NLGN1: variants seen among roughly 807,000 people sequenced by gnomAD.
The protein encoded by NLGN1 is neuroligin 1, also known as neuroligin-1.
Under a neutral mutation model 65.5 loss-of-function variants are expected in NLGN1, and 12 were observed. The observed-to-expected ratio is 0.18, with a 90% confidence interval of 0.12 to 0.30. The LOEUF is 0.30. NLGN1 is among the 10% of genes least tolerant of loss of function. The pLI, the probability that NLGN1 is intolerant of heterozygous loss-of-function variation, is 1.00. For missense variants in NLGN1, 750 were observed against 1,007.1 expected (o/e 0.74, Z 3.46); for synonymous variants, 350 against 359.5 (o/e 0.97, Z 0.30).
At chr3:173,527,645 C>G (rs1735880552) in intron 2 of NLGN1, among the ~76,000 whole-genome samples, 1 of 152,224 alleles carries the variant, frequency 6.6e-6, no homozygotes, top group South Asian at 2.1e-4. Flanking sequence ...GATCTGCCCG[C>G]CTCGGCCTCC....
intron 4 of NLGN1, among the ~76,000 whole-genome samples, chr3:173,858,234 A>G (rs1291546504): frequency 1.3e-5 from 2 of 151,896 alleles, no homozygotes; most frequent in Non-Finnish European, 2.9e-5. Flanking sequence ...AGAGGGCAAT[A>G]TTTTGCTTGA....
chr3:173,681,706 G>A (rs1341719685), intron 3 of NLGN1, among the ~76,000 whole-genome samples: 1 of 152,084 alleles, frequency 6.6e-6, no homozygotes, highest in Non-Finnish European at 1.5e-5. Flanking sequence ...CAATTGGGCA[G>A]GTTACTTAAG....
At chr3:173,875,216 T>A (rs1731897543) in intron 4 of NLGN1, among the ~76,000 whole-genome samples, 1 of 152,082 alleles carries the variant, frequency 6.6e-6, no homozygotes, top group Non-Finnish European at 1.5e-5. Context: ...CTTTGGTGAG[T>A]CAGTATAAAA....
At chr3:173,978,017 G>A (rs774054150) in intron 4 of NLGN1, among the ~76,000 whole-genome samples, 3 of 151,988 alleles carry the variant, frequency 2.0e-5, no homozygotes, top group Non-Finnish European at 4.4e-5. Flanking sequence ...ACAGGAAAAC[G>A]AGGAGAGAAT....
intron 1 of NLGN1, among the ~76,000 whole-genome samples, chr3:173,427,803 A>G (rs1209273968): frequency 6.6e-6 from 1 of 150,684 alleles, no homozygotes; most frequent in Non-Finnish European, 1.5e-5. Flanking sequence ...TTGTTGAAAT[A>G]TTCTGTAAAT....
chr3:174,048,631 C>G (rs1734154289), intron 4 of NLGN1, among the ~76,000 whole-genome samples: 1 of 151,602 alleles, frequency 6.6e-6, no homozygotes, highest in Non-Finnish European at 1.5e-5. Context: ...AAAAGCCAAT[C>G]CATAAAGAAT....
chr3:173,860,359 C>T (rs1728818088), intron 4 of NLGN1, among the ~76,000 whole-genome samples: 1 of 151,938 alleles, frequency 6.6e-6, no homozygotes, highest in African/African-American at 2.4e-5. Context: ...AATTTCTGAA[C>T]ATTGTTGGCA....
rs185317438 is a variant in NLGN1 at position 174,215,679 on chromosome 3, T to A, written c.647-59636T>A. On this transcript the variant is annotated intron_variant, in intron 4 of 6. Coordinates refer to ENST00000457714, the Ensembl canonical transcript of NLGN1. ...TGATTCATAATGGCATTTGGAGGCA[T>A]GCAAAAAAAGCAGCTAATTCAAATG... 4.8e-3 allele frequency among the ~76,000 whole-genome samples: 730 copies of A among 152,142 alleles called. 11 individuals carry two copies. Among genetic ancestry groups the A allele is most frequent in the Middle Eastern group, 6.8e-3 (2 of 294 alleles).
intron 4 of NLGN1, among the ~76,000 whole-genome samples, chr3:174,093,188 C>T (rs779843266): frequency 2.0e-5 from 3 of 152,144 alleles, no homozygotes; most frequent in Non-Finnish European, 1.5e-5. Context: ...TGTGCCAACA[C>T]GGAACCTTAT....
At chr3:174,067,150 A>G (rs1045790824) in intron 4 of NLGN1, among the ~76,000 whole-genome samples, 2 of 152,190 alleles carry the variant, frequency 1.3e-5, no homozygotes, top group African/African-American at 4.8e-5. Context: ...GTTATATGAT[A>G]CTATGTTGAA....
At chr3:173,877,483 A>G (rs966548874) in intron 4 of NLGN1, among the ~76,000 whole-genome samples, 2 of 141,816 alleles carry the variant, frequency 1.4e-5, no homozygotes, top group African/African-American at 2.8e-5. Context: ...TAAAACAGAG[A>G]AAAAAAAAAA....
At chr3:174,227,091 G>T (rs1739855626) in intron 4 of NLGN1, among the ~76,000 whole-genome samples, 1 of 152,144 alleles carries the variant, frequency 6.6e-6, no homozygotes, top group Non-Finnish European at 1.5e-5. Flanking sequence ...AGGACCAATT[G>T]CATAAGCTTT....
chr3:173,806,686 T>G (rs1040177347), intron 3 of NLGN1, among the ~76,000 whole-genome samples: 3 of 152,166 alleles, frequency 2.0e-5, no homozygotes, highest in African/African-American at 7.2e-5. Context: ...GTTAGGCTTA[T>G]CTACAGAAAT....
intron 4 of NLGN1, among the ~76,000 whole-genome samples, chr3:173,964,667 G>T (rs1714390470): frequency 6.6e-6 from 1 of 152,158 alleles, no homozygotes; most frequent in African/African-American, 2.4e-5. Context: ...TGAATCAAAT[G>T]TAATTTTGAC....
At chr3:173,941,390 G>A (rs1281140996) in intron 4 of NLGN1, among the ~76,000 whole-genome samples, 1 of 151,960 alleles carries the variant, frequency 6.6e-6, no homozygotes, top group African/African-American at 2.4e-5. Context: ...CTGAAGTCAG[G>A]CATCAGAGCT....
chr3:174,273,624 A>G (rs560219688), intron 4 of NLGN1, among the ~76,000 whole-genome samples: 82 of 151,948 alleles, frequency 5.4e-4, no homozygotes, highest in Non-Finnish European at 1.0e-3. Context: ...ATGCAAATTC[A>G]AAGAGAATGG....
intron 4 of NLGN1, among the ~76,000 whole-genome samples, chr3:173,867,477 A>G (rs1337812344): frequency 6.6e-6 from 1 of 152,150 alleles, no homozygotes; most frequent in Non-Finnish European, 1.5e-5. Context: ...ATTGAGCTTT[A>G]GAGTAGTTAC....
intron 4 of NLGN1, among the ~76,000 whole-genome samples, chr3:173,828,017 G>A (rs796792063): frequency 8.6e-5 from 13 of 151,946 alleles, no homozygotes; most frequent in Admixed American, 8.5e-4. Context: ...TGTTTGACCA[G>A]CTATCTGGGC....
At chr3:173,435,285 T>A (rs966498190) in intron 2 of NLGN1, among the ~76,000 whole-genome samples, 10 of 152,204 alleles carry the variant, frequency 6.6e-5, no homozygotes, top group Non-Finnish European at 1.3e-4. Context: ...GCTGGCATAA[T>A]CCTTTAACCA....
Sources: gnomAD v4.1 joint callset for allele counts (sites outside exome capture counted in the v4.1 genomes callset) on GRCh38, gnomAD v4.1.1 for gene constraint, MANE v1.5 for transcripts, NCBI Gene and HGNC (gene_info 2026-07-23, HGNC 2026-07-21) for gene names.